DPYD: variants seen among roughly 807,000 people sequenced by gnomAD.
DPYD encodes the protein dihydropyrimidine dehydrogenase [NADP(+)].
A neutral mutation model predicts 116.2 loss-of-function variants in DPYD; 109 were observed. The observed-to-expected ratio is 0.94, with a 90% confidence interval of 0.80 to 1.10. The LOEUF is 1.10. DPYD is among the 50% of genes least tolerant of loss of function. The pLI, the probability that DPYD is intolerant of heterozygous loss-of-function variation, is 0.00. For synonymous variants in DPYD, 440 were observed against 432.0 expected (o/e 1.02, Z -0.23); for missense variants, 1,302 against 1,254.5 (o/e 1.04, Z -0.57).
At chr1:97,730,298 T>G (rs900145046) in intron 4 of DPYD, among the ~76,000 whole-genome samples, 8 of 152,132 alleles carry the variant, frequency 5.3e-5, no homozygotes, top group African/African-American at 1.9e-4. Context: ...CTTGGCTCAC[T>G]GCAACCTCCA....
At chr1:97,154,023 G>A (rs1271612143) in intron 20 of DPYD, among the ~76,000 whole-genome samples, 1 of 149,784 alleles carries the variant, frequency 6.7e-6, no homozygotes, top group Non-Finnish European at 1.5e-5. Flanking sequence ...GTGATGAAAA[G>A]GGAACACTTT....
At chr1:97,673,681 A>G (rs72975793) in intron 8 of DPYD, among the ~76,000 whole-genome samples, 2,876 of 152,230 alleles carry the variant, frequency 0.019, 99 homozygotes, top group African/African-American at 0.066. Flanking sequence ...TACTACAGTA[A>G]AAAGTCCAGT....
At chr1:97,227,288 C>T (rs376153337) in intron 19 of DPYD, among the ~76,000 whole-genome samples, 11 of 129,474 alleles carry the variant, frequency 8.5e-5, no homozygotes, top group Admixed American at 4.4e-4. Context: ...GATCGTGCCA[C>T]GGCCACTGCG....
At chr1:97,506,527 C>A (rs1356215089) in intron 13 of DPYD, among the ~76,000 whole-genome samples, 1 of 151,902 alleles carries the variant, frequency 6.6e-6, no homozygotes, top group Non-Finnish European at 1.5e-5. Flanking sequence ...AACCTTGACA[C>A]CACTTGCTTT....
chr1:97,156,754 AT>A, intron 20 of DPYD, among the ~76,000 whole-genome samples: 1 of 152,006 alleles, frequency 6.6e-6, no homozygotes, highest in Non-Finnish European at 1.5e-5. Context: ...TGACCCAGCC[AT>A]CCCATTACTG....
intron 13 of DPYD, among the ~76,000 whole-genome samples, chr1:97,492,945 G>A (rs528125672): frequency 2.0e-5 from 3 of 152,124 alleles, no homozygotes; most frequent in South Asian, 2.1e-4. Context: ...GTCATTTTTC[G>A]AAATGAAAAT....
At chr1:97,482,479 C>A (rs1279187995) in intron 13 of DPYD, among the ~76,000 whole-genome samples, 1 of 152,136 alleles carries the variant, frequency 6.6e-6, no homozygotes, top group Non-Finnish European at 1.5e-5. Flanking sequence ...AGTGCTAACA[C>A]AGAAAATGTA....
intron 14 of DPYD, among the ~76,000 whole-genome samples, chr1:97,447,165 G>A (rs10783065): frequency 0.79 from 120,664 of 152,154 alleles, 48,208 homozygotes; most frequent in East Asian, 0.86. Context: ...GCTGACCTAT[G>A]TCCACACCCA....
In DPYD at chr1:97,101,110, T is replaced by A. The variant is rs369152502; in HGVS notation, c.2623-2478A>T. Among the ~76,000 whole-genome samples the A allele has an allele frequency of 3.4e-5, 5 of 147,580 alleles. No individual in the cohort carries two copies. In the East Asian group the frequency reaches 5.9e-4, roughly 17 times the overall value. On this transcript the variant is annotated intron_variant, in intron 20 of 22. Transcript: ENST00000370192. ...TTTTAATTGAAAGCAAAAAAAAAAA[T>A]ACCAAATATCAGTGACTGCTCCTTC...
chr1:97,539,610 A>C (rs1650276931), intron 12 of DPYD, among the ~76,000 whole-genome samples: 1 of 152,194 alleles, frequency 6.6e-6, no homozygotes, highest in African/African-American at 2.4e-5. Context: ...AATATAGAGA[A>C]TTGAAAACAA....
At chr1:97,093,895 C>T (rs940099104) in intron 21 of DPYD, among the ~76,000 whole-genome samples, 3 of 151,936 alleles carry the variant, frequency 2.0e-5, no homozygotes, top group Admixed American at 6.6e-5. Context: ...GTTTAGACTC[C>T]TTTCCCTCTC....
At chr1:97,345,852 A>G (rs1669814665) in intron 16 of DPYD, among the ~76,000 whole-genome samples, 2 of 151,960 alleles carry the variant, frequency 1.3e-5, no homozygotes, top group African/African-American at 4.8e-5. Context: ...TGCCTAATAG[A>G]AGTACACAAA....
chr1:97,310,635 T>G (rs185386480), intron 16 of DPYD, among the ~76,000 whole-genome samples: 2 of 151,910 alleles, frequency 1.3e-5, no homozygotes, highest in Non-Finnish European at 2.9e-5. Context: ...CTTGCATCTG[T>G]TTTTCTGACT....
At chr1:97,113,991 A>G (rs1307594962) in intron 20 of DPYD, among the ~76,000 whole-genome samples, 2 of 152,116 alleles carry the variant, frequency 1.3e-5, no homozygotes, top group African/African-American at 2.4e-5. Flanking sequence ...GTTAGTAGCC[A>G]TAATACAGTA....
intron 18 of DPYD, among the ~76,000 whole-genome samples, chr1:97,277,695 A>T (rs1339627761): frequency 6.6e-6 from 1 of 152,162 alleles, no homozygotes; most frequent in Non-Finnish European, 1.5e-5. Context: ...TCTAAACCAC[A>T]ACTGTCTCTT....
chr1:97,630,120 C>T (rs1346209806), intron 8 of DPYD, among the ~76,000 whole-genome samples: 2 of 151,538 alleles, frequency 1.3e-5, no homozygotes, highest in African/African-American at 2.4e-5. Flanking sequence ...CAGTGAAGAA[C>T]GTCTATGCTG....
intron 8 of DPYD, among the ~76,000 whole-genome samples, chr1:97,677,699 G>A (rs1660218778): frequency 6.6e-6 from 1 of 152,140 alleles, no homozygotes; most frequent in Admixed American, 6.6e-5. Flanking sequence ...TGAAAGGAAG[G>A]AGGTTCAGTT....
chr1:97,738,690 AG>A (rs912182405), intron 4 of DPYD, among the ~76,000 whole-genome samples: 26 of 148,614 alleles, frequency 1.7e-4, no homozygotes, highest in African/African-American at 6.5e-4. Context: ...AAATTAGGAG[AG>A]TTTTTTTTTT....
At chr1:97,289,375 A>C (rs1665969145) in intron 18 of DPYD, among the ~76,000 whole-genome samples, 1 of 152,188 alleles carries the variant, frequency 6.6e-6, no homozygotes, top group African/African-American at 2.4e-5. Flanking sequence ...CCGGGCAGAG[A>C]CACAATCGAA....
Sources: gnomAD v4.1 joint callset for allele counts (sites outside exome capture counted in the v4.1 genomes callset) on GRCh38, gnomAD v4.1.1 for gene constraint, MANE v1.5 for transcripts, NCBI Gene and HGNC (gene_info 2026-07-23, HGNC 2026-07-21) for gene names.